The following CERS6 variants were observed in gnomAD, a reference collection of about 807,000 sequenced individuals.
The protein encoded by CERS6 is ceramide synthase 6, also known as LAG1 homolog, ceramide synthase 6.
Under a neutral mutation model 56.8 loss-of-function variants are expected in CERS6, and 26 were observed. The observed-to-expected ratio is 0.46, with a 90% CI of 0.34 to 0.63. The LOEUF (loss-of-function observed/expected upper bound fraction) is 0.63, where lower values mean the gene tolerates loss of function less well. Among genes scored for constraint, CERS6 ranks in the 30% least tolerant of loss-of-function variants. CERS6 has a pLI of 0.01. For missense variants in CERS6, 415 were observed against 467.5 expected (o/e 0.89, Z 1.04); for synonymous variants, 164 against 173.3 (o/e 0.95, Z 0.42).
At chr2:168,562,661 AC>A (rs902113937) in intron 3 of CERS6, among the ~76,000 whole-genome samples, 1 of 152,206 alleles carries the variant, frequency 6.6e-6, no homozygotes, top group African/African-American at 2.4e-5. Context: ...CTCGCCTCCC[AC>A]CATAGGGCAG....
chr2:168,572,623 T>C (rs1696011031), intron 3 of CERS6, among the ~76,000 whole-genome samples: 1 of 152,136 alleles, frequency 6.6e-6, no homozygotes, highest in South Asian at 2.1e-4. Flanking sequence ...TTTGGTCTTT[T>C]ATTTGCTCAT....
chr2:168,513,697 C>T (rs1229581817), intron 1 of CERS6, among the ~76,000 whole-genome samples: 2 of 152,176 alleles, frequency 1.3e-5, no homozygotes, highest in South Asian at 2.1e-4. Context: ...AAGTTAGCAC[C>T]GCCTCCCTTT....
chr2:168,548,427 C>T (rs1442861600), intron 2 of CERS6, among the ~76,000 whole-genome samples: 1 of 152,182 alleles, frequency 6.6e-6, no homozygotes, highest in African/African-American at 2.4e-5. Flanking sequence ...GTCAGAAACC[C>T]TCAGTTGAAG....
intron 3 of CERS6, among the ~76,000 whole-genome samples, chr2:168,609,857 G>A (rs1351870169): frequency 6.6e-6 from 1 of 152,050 alleles, no homozygotes; most frequent in Non-Finnish European, 1.5e-5. Flanking sequence ...GTTTGATGTG[G>A]AAAGACTGAG....
At chr2:168,735,514 G>C (rs755156723) in intron 8 of CERS6, among the ~76,000 whole-genome samples, 2 of 152,058 alleles carry the variant, frequency 1.3e-5, no homozygotes, top group Non-Finnish European at 2.9e-5. Flanking sequence ...GTGATCCTTG[G>C]ACATGAAACA....
chr2:168,477,502 A>G (rs1694101307), intron 1 of CERS6, among the ~76,000 whole-genome samples: 1 of 152,198 alleles, frequency 6.6e-6, no homozygotes, highest in South Asian at 2.1e-4. Context: ...AATTTTTAAC[A>G]TTTTATATAG....
chr2:168,513,252 T>A (rs1694826633), intron 1 of CERS6, among the ~76,000 whole-genome samples: 2 of 152,348 alleles, frequency 1.3e-5, no homozygotes, highest in South Asian at 4.1e-4. Context: ...GTTAACCTCT[T>A]ACATTAATGT....
chr2:168,690,119 A>G (rs1686461917), intron 4 of CERS6, among the ~76,000 whole-genome samples: 2 of 152,210 alleles, frequency 1.3e-5, no homozygotes, highest in African/African-American at 4.8e-5. Context: ...CTCAGCAGAT[A>G]TTAGCCACCT....
intron 3 of CERS6, among the ~76,000 whole-genome samples, chr2:168,595,288 C>G (rs560376612): frequency 1.3e-5 from 2 of 152,184 alleles, no homozygotes; most frequent in Non-Finnish European, 2.9e-5. Flanking sequence ...TCCTGACTTT[C>G]AGATGGTGAG....
chr2:168,768,018 A>C (rs1684764969), intron 9 of CERS6, among the ~76,000 whole-genome samples: 1 of 152,236 alleles, frequency 6.6e-6, no homozygotes, highest in African/African-American at 2.4e-5. Flanking sequence ...CTTACAGAAT[A>C]GGAGGTTCAA....
At chr2:168,470,007 A>G (rs1693947812) in intron 1 of CERS6, among the ~76,000 whole-genome samples, 2 of 152,078 alleles carry the variant, frequency 1.3e-5, no homozygotes, top group South Asian at 4.1e-4. Context: ...TAACCATTTC[A>G]TCCTGATTTG....
At chr2:168,750,902 T>G (rs893868803) in intron 8 of CERS6, among the ~76,000 whole-genome samples, 1 of 152,212 alleles carries the variant, frequency 6.6e-6, no homozygotes, top group African/African-American at 2.4e-5. Context: ...TTCACTATTA[T>G]GTATCCTCCA....
At chr2:168,497,568 G>T (rs1367139857) in intron 1 of CERS6, among the ~76,000 whole-genome samples, 1 of 152,218 alleles carries the variant, frequency 6.6e-6, no homozygotes, top group Non-Finnish European at 1.5e-5. Flanking sequence ...GGAGCCAACA[G>T]TAAGTGCAGT....
chr2:168,603,939 C>G (rs1040337919), intron 3 of CERS6, among the ~76,000 whole-genome samples: 1 of 152,148 alleles, frequency 6.6e-6, no homozygotes, highest in Non-Finnish European at 1.5e-5. Context: ...CTCTGAATCT[C>G]CACATCTTAT....
At chr2:168,566,555 G>GCTA (rs957865904) in intron 3 of CERS6, among the ~76,000 whole-genome samples, 2 of 152,140 alleles carry the variant, frequency 1.3e-5, no homozygotes, top group African/African-American at 4.8e-5. Flanking sequence ...TTGCCTTCAT[G>GCTA]CTACTAACTT....
chr2:168,761,727 T>G (rs1360302886), intron 8 of CERS6, among the ~76,000 whole-genome samples: 1 of 152,086 alleles, frequency 6.6e-6, no homozygotes, highest in African/African-American at 2.4e-5. Context: ...GTGTAAGGTG[T>G]GTGAGTCCTC....
chr2:168,612,461 G>A (rs993533870), intron 3 of CERS6, among the ~76,000 whole-genome samples: 2 of 152,246 alleles, frequency 1.3e-5, no homozygotes, highest in Admixed American at 1.3e-4. Flanking sequence ...TGAGATGGAC[G>A]AAGAAGAAAA....
intron 4 of CERS6, among the ~76,000 whole-genome samples, chr2:168,670,980 C>CG (rs397710827): frequency 1.2e-5 from 1 of 82,232 alleles, no homozygotes; most frequent in Non-Finnish European, 3.5e-5. Context: ...CCCCCCCCCC[C>CG]AGACGGAAGC....
In CERS6 at chr2:168,755,696, C is replaced by G. The variant is rs185755461; in HGVS notation, c.846-9896C>G. On this transcript the variant is annotated intron_variant, in intron 8 of 9. Transcript: ENST00000305747. ...CCCAAGAAGCAGGTAACTATAGCAG[C>G]CTTTCTGTGTTTCTGCTGTAAATAG... Among the ~76,000 whole-genome samples, 378 of 152,338 alleles carry G rather than the reference C, an allele frequency of 2.5e-3. 1 individual carries two copies. Among genetic ancestry groups the G allele is most frequent in the Non-Finnish European group, 4.4e-3 (301 of 68,030 alleles).
Sources: gnomAD v4.1 joint callset for allele counts (sites outside exome capture counted in the v4.1 genomes callset) on GRCh38, gnomAD v4.1.1 for gene constraint, MANE v1.5 for transcripts, NCBI Gene and HGNC (gene_info 2026-07-23, HGNC 2026-07-21) for gene names.